Variants in TNFRSF11A observed in about 807,000 individuals in gnomAD.
TNFRSF11A encodes TNF receptor superfamily member 11a, also known as tumor necrosis factor receptor superfamily member 11A.
In TNFRSF11A, 32 loss-of-function variants were observed where a neutral mutation model predicts 55.7. That is an observed-to-expected ratio of 0.57 (90% CI 0.43 to 0.77). The LOEUF (loss-of-function observed/expected upper bound fraction) is 0.77, where lower values mean the gene tolerates loss of function less well. Ranked by LOEUF, TNFRSF11A falls within the 30% of genes least tolerant of loss-of-function variation. The probability of loss-of-function intolerance (pLI) is 0.00; values close to 1 mark genes in which losing one functional copy is unlikely to be tolerated. For synonymous variants in TNFRSF11A, 311 were observed against 331.0 expected, an observed-to-expected ratio of 0.94 and a Z score of 0.65; for missense variants, 753 against 809.8, an observed-to-expected ratio of 0.93 and a Z score of 0.85.
chr18:62,359,866 G>A (rs1052427708), intron 5 of TNFRSF11A, 89 bp from the exon 6 acceptor site: 80 of 1,184,466 alleles, frequency 6.8e-5, no homozygotes, highest in Non-Finnish European at 9.2e-5. Context: ...TCCTGAAGGA[G>A]CTGGCAATCT....
chr18:62,376,284 T>C (rs1910892778), intron 9 of TNFRSF11A, among the ~76,000 whole-genome samples: 1 of 149,698 alleles, frequency 6.7e-6, no homozygotes, highest in African/African-American at 2.5e-5. Context: ...TTATCTTTTT[T>C]TTTTTTTTTT....
chr18:62,329,824 G>A (rs771713711), intron 1 of TNFRSF11A, among the ~76,000 whole-genome samples: 2 of 152,162 alleles, frequency 1.3e-5, no homozygotes, highest in African/African-American at 2.4e-5. Flanking sequence ...GAAGCTCCTT[G>A]TCAGAGGGCT....
chr18:62,360,999 A>T (rs943023443), intron 6 of TNFRSF11A, among the ~76,000 whole-genome samples: 9 of 152,184 alleles, frequency 5.9e-5, no homozygotes, highest in African/African-American at 2.2e-4. Flanking sequence ...AGCATTCTGG[A>T]TGTGGAGTTA....
intron 4 of TNFRSF11A, among the ~76,000 whole-genome samples, chr18:62,357,282 A>G (rs1038546250): frequency 6.6e-6 from 1 of 152,248 alleles, no homozygotes; most frequent in Non-Finnish European, 1.5e-5. Context: ...ATGATATCAC[A>G]TAGTAGCCAA....
At chr18:62,369,817 C>T (rs1051134454) in intron 9 of TNFRSF11A, among the ~76,000 whole-genome samples, 1 of 152,160 alleles carries the variant, frequency 6.6e-6, no homozygotes. Context: ...TCAACATCGG[C>T]GTCAGGACTG....
At chr18:62,384,674 C>T (rs1911558407) in intron 9 of TNFRSF11A, 77 bp from the exon 10 acceptor site, 5 of 1,553,076 alleles carry the variant, frequency 3.2e-6, no homozygotes, top group Non-Finnish European at 3.5e-6. Context: ...CTCCACTCCC[C>T]GGAACCTTCC....
chr18:62,353,288 T>G (rs2046500814), intron 3 of TNFRSF11A, among the ~76,000 whole-genome samples: 1 of 152,240 alleles, frequency 6.6e-6, no homozygotes, highest in Admixed American at 6.5e-5. Flanking sequence ...AACATTGCAC[T>G]CATGGCCAAC....
intron 1 of TNFRSF11A, among the ~76,000 whole-genome samples, chr18:62,346,180 A>C (rs1031017135): frequency 6.6e-6 from 1 of 152,210 alleles, no homozygotes; most frequent in African/African-American, 2.4e-5. Flanking sequence ...GATCAGAAGC[A>C]ATTAATACCC....
rs1600402618 is a variant in TNFRSF11A, at chr18:62,366,850, CCA to C, written c.783+92_783+93del. 8.3e-6 allele frequency: 11 copies of C among 1,327,508 alleles called. No individual in the cohort carries two copies. In the East Asian group the frequency reaches 2.5e-4, roughly 31 times the overall value. The allele number at this position is 1,327,508 out of a possible 1,614,324, so 82.2% of individuals were successfully genotyped here. ...CTAGTCACATATTGAGCACCCCCCC[CCA>C]CCCCCACTTTTTTTGAGACGGAGTC... On this transcript the variant is annotated intron_variant, in intron 8 of 9. Coordinates refer to ENST00000586569, the MANE Select transcript of TNFRSF11A (RefSeq NM_003839.4).
At chr18:62,367,928 G>A (rs1910220714) in intron 8 of TNFRSF11A, among the ~76,000 whole-genome samples, 1 of 150,682 alleles carries the variant, frequency 6.6e-6, no homozygotes. Context: ...TGAGTATCTG[G>A]GATTACAGGT....
At chr18:62,362,522 G>A (rs1466865107) in intron 7 of TNFRSF11A, among the ~76,000 whole-genome samples, 8 of 143,920 alleles carry the variant, frequency 5.6e-5, no homozygotes, top group Admixed American at 1.4e-4. Flanking sequence ...AAGAACCTTC[G>A]ATTATGAAAA....
Position 62,325,406 on chromosome 18 carries a change from C to A in TNFRSF11A, c.54C>A (p.Cys18Ter). 8.0e-7 allele frequency: 1 copy of A among 1,243,722 alleles called. No homozygotes were observed. The highest frequency in any genetic ancestry group is 1.0e-6 in the Non-Finnish European group (1 of 981,858). The allele number at this position is 1,243,722 out of a possible 1,614,324, so 77.0% of individuals were successfully genotyped here. The change falls in exon 1 of 10, where the codon TGC (cysteine) becomes TGA (stop). Residue 18 changes from cysteine (C) to a stop codon, truncating the protein, a stop_gained. Transcript: ENST00000586569. LOFTEE classifies it high-confidence loss of function. This position sits in a 1 kb window ranked among gnomAD's most constrained non-coding sequence, Gnocchi z 4.7. The stretch of plus-strand genomic sequence containing the variant: ...CGCTGTTCGCGCTGCTGCTGCTCTG[C>A]GCGCTGCTCGCCCGGCTGCAGGTAA... The part of the protein sequence containing the change: ...RRPLFALLLL[C>*]ALLARLQVAL...
intron 9 of TNFRSF11A, 50 bp downstream of exon 9, chr18:62,369,534 G>C (rs760521275): frequency 8.8e-5 from 141 of 1,595,972 alleles, no homozygotes; most frequent in Non-Finnish European, 1.0e-4. Context: ...CCAGTTCTTG[G>C]TACAGGGTTT....
intron 1 of TNFRSF11A, among the ~76,000 whole-genome samples, chr18:62,328,222 G>A (rs1307860525): frequency 6.6e-6 from 1 of 152,012 alleles, no homozygotes; most frequent in African/African-American, 2.4e-5. Flanking sequence ...GAGGGAGGAG[G>A]GGAGGGAGAG....
chr18:62,372,468 G>A (rs1403781920), intron 9 of TNFRSF11A, among the ~76,000 whole-genome samples: 3 of 150,730 alleles, frequency 2.0e-5, no homozygotes, highest in Admixed American at 1.3e-4. Context: ...GGAGAAAGTT[G>A]GGGTGGTCTT....
chr18:62,384,281 CTCTCCT>C (rs1445992763), intron 9 of TNFRSF11A, among the ~76,000 whole-genome samples: 90 of 149,872 alleles, frequency 6.0e-4, no homozygotes, highest in African/African-American at 2.1e-3. Flanking sequence ...CCTCCTCTTC[CTCTCCT>C]CCTCCTTTTC....
Position 62,385,331 on chromosome 18 carries a change from T to G in TNFRSF11A, c.*297T>G. ...GCACTATGACAGCTATTTTTATGACTATCCTGTTCTGTGGGGGGGGGGGTC... is the reference window on the plus strand; with the variant it reads ...GCACTATGACAGCTATTTTTATGACGATCCTGTTCTGTGGGGGGGGGGGTC... On this transcript the variant is annotated 3_prime_UTR_variant, in exon 10 of 10. Transcript: ENST00000586569. 46 of 194,974 alleles carry G rather than the reference T, an allele frequency of 2.4e-4. No homozygotes were observed. Among genetic ancestry groups the G allele is most frequent in the East Asian group, 4.5e-4 (3 of 6,678 alleles). The allele number at this position is 194,974 out of a possible 1,614,324, so 12.1% of individuals were successfully genotyped here. A position where few individuals can be genotyped will look rare whatever the true frequency, so the allele number is the denominator to read the frequency against.
intron 8 of TNFRSF11A, 42 bp downstream of exon 8, chr18:62,366,802 A>G (rs950419354): frequency 5.6e-6 from 9 of 1,603,126 alleles, no homozygotes; most frequent in African/African-American, 4.0e-5. Flanking sequence ...AGTACATTCA[A>G]CAGTTAGGCT....
intron 3 of TNFRSF11A, among the ~76,000 whole-genome samples, chr18:62,353,092 AGTTAT>A (rs369843807): frequency 6.6e-6 from 1 of 152,160 alleles, no homozygotes; most frequent in African/African-American, 2.4e-5. Flanking sequence ...TATGCACAGT[AGTTAT>A]GTTCTATAAA....
Sources: allele counts gnomAD v4.1 joint callset (sites outside exome capture counted in the v4.1 genomes callset), GRCh38; gene constraint gnomAD v4.1.1; non-coding constraint Gnocchi (gnomAD v3.1); transcripts MANE v1.5; gene names NCBI Gene and HGNC (gene_info 2026-07-23, HGNC 2026-07-21).